Variants in TNFSF8 observed in about 807,000 individuals in gnomAD.
TNFSF8 encodes the protein TNF superfamily member 8, also known as tumor necrosis factor ligand superfamily member 8.
A neutral mutation model predicts 22.0 loss-of-function variants in TNFSF8; 4 were observed. The ratio of observed to expected loss-of-function variants is 0.18; its 90% CI spans 0.09 to 0.42. The LOEUF (loss-of-function observed/expected upper bound fraction) is 0.42. Ranked by LOEUF, TNFSF8 falls within the 10% of genes least tolerant of loss-of-function variation. The probability of loss-of-function intolerance (pLI) is 1.00; values close to 1 mark genes in which losing one functional copy is unlikely to be tolerated. For missense variants in TNFSF8, 233 were observed against 281.8 expected, an observed-to-expected ratio of 0.83 and a Z score of 1.24; for synonymous variants, 106 against 112.5, an observed-to-expected ratio of 0.94 and a Z score of 0.37.
rs191938211 is a variant in TNFSF8 at position 114,907,685 on chromosome 9, C to T, written c.239-1786G>A. Among the ~76,000 whole-genome samples the T allele has an allele frequency of 7.9e-5, 12 of 152,182 alleles. No homozygotes were observed. In the East Asian group the frequency reaches 2.1e-3, roughly 27 times the overall value. On this transcript the variant is annotated intron_variant, in intron 2 of 3. Coordinates refer to ENST00000223795, the MANE Select transcript of TNFSF8 (RefSeq NM_001244.4). ...CTTTATGTTCCAATAGTAATAATAA[C>T]GAGGAGGAACAGTGATAATAATATG...
intron 4 of TNFSF8, among the ~76,000 whole-genome samples, chr9:114,894,560 G>A (rs1377378461): frequency 2.0e-5 from 3 of 152,142 alleles, no homozygotes; most frequent in South Asian, 2.1e-4. Context: ...TTCAGCTCAT[G>A]AGCTGCTGAA....
intron 1 of TNFSF8, among the ~76,000 whole-genome samples, chr9:114,922,371 G>A (rs969140941): frequency 1.3e-5 from 2 of 152,110 alleles, no homozygotes; most frequent in African/African-American, 2.4e-5. Context: ...GTGGGCTCTG[G>A]CTCATGGCCC....
Position 114,901,946 on chromosome 9 carries a change from T to C in TNFSF8, c.*1985A>G. The stretch of plus-strand genomic sequence containing the variant: ...CTTTCTTTTTTTCTTTTAAATCTTT[T>C]CTAGCTTTCCTTCTGACAAACTTTG... On this transcript the variant is annotated 3_prime_UTR_variant, in exon 4 of 4. Coordinates refer to ENST00000223795, the MANE Select transcript of TNFSF8 (RefSeq NM_001244.4). 1 of 984,666 alleles carries C rather than the reference T, an allele frequency of 1.0e-6. No homozygotes were observed. Among genetic ancestry groups the C allele is most frequent in the South Asian group, 4.7e-5 (1 of 21,274 alleles). The allele number at this position is 984,666 out of a possible 1,614,324, so 61.0% of individuals were successfully genotyped here. A position where few individuals can be genotyped will look rare whatever the true frequency, so the allele number is the denominator to read the frequency against.
Position 114,901,609 on chromosome 9 carries a change from A to G in TNFSF8, c.*2322T>C, listed in dbSNP as rs895009928. 1.2e-5 allele frequency: 12 copies of G among 985,174 alleles called. No homozygotes were observed. Among genetic ancestry groups the G allele is most frequent in the Admixed American group, 6.1e-5 (1 of 16,270 alleles). The allele number at this position is 985,174 out of a possible 1,614,324, so 61.0% of individuals were successfully genotyped here. On this transcript the variant is annotated 3_prime_UTR_variant, in exon 4 of 4. Coordinates refer to ENST00000223795, the MANE Select transcript of TNFSF8 (RefSeq NM_001244.4). ...GGTTTAAGCAAGATTCATTTGTCCT[A>G]TGCAGTTAGTGTGTGACTCAAATGC...
intron 1 of TNFSF8, among the ~76,000 whole-genome samples, chr9:114,918,453 CTTT>C (rs11322814): frequency 2.8e-5 from 4 of 143,046 alleles, no homozygotes; most frequent in Non-Finnish European, 4.6e-5. Context: ...AGAGCTGGGA[CTTT>C]TTTTTTTTTT....
Position 114,902,885 on chromosome 9 carries a change from T to C in TNFSF8, c.*1046A>G, listed in dbSNP as rs1052643244. On this transcript the variant is annotated 3_prime_UTR_variant, in exon 4 of 4. Transcript: ENST00000223795. ...ATGTTGCCTTGGCAACCATTTTGTA[T>C]ACAAGTTTAATTTCTCATACCAGAA... is the stretch of plus-strand genomic sequence containing the variant. The C allele has an allele frequency of 3.9e-5, 18 of 463,476 alleles. No individual in the cohort carries two copies. The highest frequency in any genetic ancestry group is 5.1e-5 in the Non-Finnish European group (18 of 353,078). The allele number at this position is 463,476 out of a possible 1,614,324, so 28.7% of individuals were successfully genotyped here.
Position 114,904,120 on chromosome 9 carries a change from G to C in TNFSF8, c.516C>G (p.Ala172=). The change falls in exon 4 of 4, where the codon GCC becomes GCG. Residue 172 remains alanine (A), a synonymous_variant. Coordinates refer to ENST00000223795, the MANE Select transcript of TNFSF8 (RefSeq NM_001244.4). ...TTCCAGACTCACACACTGTCACCAG[G>C]GCCTGTTTTTTGATATGCTTGTTGA... ...LLINKHIKKQ[A]LVTVCESGMQ... 1 of 1,614,018 alleles carries C rather than the reference G, an allele frequency of 6.2e-7. No individual in the cohort carries two copies. Among genetic ancestry groups the C allele is most frequent in the Non-Finnish European group, 8.5e-7 (1 of 1,179,950 alleles).
At chr9:114,918,239 T>C (rs1827944470) in intron 1 of TNFSF8, 101 bp from the exon 2 acceptor site, 2 of 973,924 alleles carry the variant, frequency 2.1e-6, no homozygotes, top group East Asian at 5.8e-5. Context: ...TACTGTGCAA[T>C]TTACAATTCA....
intron 2 of TNFSF8, among the ~76,000 whole-genome samples, chr9:114,910,392 C>T (rs761011224): frequency 1.9e-4 from 29 of 152,082 alleles, no homozygotes; most frequent in Non-Finnish European, 3.2e-4. Flanking sequence ...TTAGGAGTGG[C>T]GAGACTACCC....
downstream of TNFSF8, among the ~76,000 whole-genome samples, chr9:114,899,609 C>T (rs1564366090): frequency 6.6e-6 from 1 of 152,064 alleles, no homozygotes; most frequent in African/African-American, 2.4e-5. Context: ...CAGGGAAGCC[C>T]CAGAGTGCAT....
In TNFSF8 at chr9:114,930,316, C is replaced by T. The variant is rs1285982478; in HGVS notation, c.-13G>A. The T allele has an allele frequency of 6.6e-7, 1 of 1,507,636 alleles. No homozygotes were observed. The highest frequency in any genetic ancestry group is 1.3e-5 in the South Asian group (1 of 78,018). 93.4% of individuals were successfully genotyped at this position (1,507,636 alleles called of 1,614,324 possible). ...GCCCTGGGTCCATTCTTTATATAGT[C>T]TTCCCCACATCACACCTTATCTCTC... On this transcript the variant is annotated 5_prime_UTR_variant, in exon 1 of 4. Transcript: ENST00000223795.
In TNFSF8 at chr9:114,930,500, G is replaced by T. The variant is rs919539017; in HGVS notation, c.-197C>A. 5.7e-5 allele frequency: 26 copies of T among 452,480 alleles called. No individual in the cohort carries two copies. Among genetic ancestry groups the T allele is most frequent in the Non-Finnish European group, 9.3e-5 (24 of 258,024 alleles). The allele number at this position is 452,480 out of a possible 1,614,324, so 28.0% of individuals were successfully genotyped here. ...GAGGCGGCAGCAAGGGTGGGGGAGA[G>T]GTTCATTTTTCATTGCCAGGGATTA... On this transcript the variant is annotated 5_prime_UTR_variant, in exon 1 of 4. Coordinates refer to ENST00000223795, the MANE Select transcript of TNFSF8 (RefSeq NM_001244.4).
intron 2 of TNFSF8, among the ~76,000 whole-genome samples, chr9:114,916,073 G>T (rs570658765): frequency 1.3e-5 from 2 of 152,282 alleles, no homozygotes; most frequent in African/African-American, 2.4e-5. Flanking sequence ...ATATGAAGTG[G>T]ACAGCTTTTT....
At chr9:114,924,217 G>A (rs1186749410) in intron 1 of TNFSF8, among the ~76,000 whole-genome samples, 4 of 152,136 alleles carry the variant, frequency 2.6e-5, no homozygotes, top group African/African-American at 9.7e-5. Context: ...AGGAGATCTG[G>A]GGTGAGCCCT....
At chr9:114,915,543 A>G (rs765037762) in intron 2 of TNFSF8, among the ~76,000 whole-genome samples, 5 of 152,200 alleles carry the variant, frequency 3.3e-5, no homozygotes, top group Non-Finnish European at 5.9e-5. Context: ...CTGGCATCTC[A>G]TGGTGGAAGC....
At chr9:114,929,258 C>T (rs1828104790) in intron 1 of TNFSF8, among the ~76,000 whole-genome samples, 1 of 152,084 alleles carries the variant, frequency 6.6e-6, no homozygotes, top group African/African-American at 2.4e-5. Context: ...ACAGTCTGAC[C>T]CTGTACAGTG....
intron 4 of TNFSF8, chr9:114,894,225 C>G: frequency 7.1e-7 from 1 of 1,414,722 alleles, no homozygotes; most frequent in African/African-American, 1.4e-5. Context: ...TACATTTTGA[C>G]GTTGTTGTTA....
At chr9:114,907,036 C>T (rs1167551952) in intron 2 of TNFSF8, among the ~76,000 whole-genome samples, 1 of 152,186 alleles carries the variant, frequency 6.6e-6, no homozygotes, top group Non-Finnish European at 1.5e-5. Flanking sequence ...CACTGCATTG[C>T]CGAGTAGTAC....
At chr9:114,895,570 C>T (rs774419377) in intron 4 of TNFSF8, among the ~76,000 whole-genome samples, 3 of 152,212 alleles carry the variant, frequency 2.0e-5, no homozygotes, top group Non-Finnish European at 4.4e-5. Context: ...TCCTACTCCT[C>T]TCCCCAAGGT....
Sources: gnomAD v4.1 joint callset for allele counts (sites outside exome capture counted in the v4.1 genomes callset) on GRCh38, gnomAD v4.1.1 for gene constraint, MANE v1.5 for transcripts, NCBI Gene and HGNC (gene_info 2026-07-23, HGNC 2026-07-21) for gene names.